NRBF2: variants seen among roughly 807,000 people sequenced by gnomAD.
NRBF2 encodes nuclear receptor-binding factor 2.
A neutral mutation model predicts 28.5 loss-of-function variants in NRBF2; 12 were observed. The observed-to-expected ratio is 0.42, with a 90% CI of 0.27 to 0.68. The LOEUF (loss-of-function observed/expected upper bound fraction) is 0.68. Among genes scored for constraint, NRBF2 ranks in the 30% least tolerant of loss-of-function variants. The pLI is 0.24. For synonymous variants in NRBF2, 102 were observed against 116.5 expected (o/e 0.88, Z 0.80); for missense variants, 274 against 333.5 (o/e 0.82, Z 1.39).
intron 1 of NRBF2, among the ~76,000 whole-genome samples, chr10:63,137,966 TATG>T (rs1188447350): frequency 6.6e-6 from 1 of 152,092 alleles, no homozygotes; most frequent in African/African-American, 2.4e-5. Context: ...AATAGCTAAA[TATG>T]AGATATTCCC....
chr10:63,137,443 A>G (rs1230967027), intron 1 of NRBF2, among the ~76,000 whole-genome samples: 1 of 152,220 alleles, frequency 6.6e-6, no homozygotes, highest in African/African-American at 2.4e-5. Context: ...AAGTGATGTC[A>G]GATCTTAATT....
intron 1 of NRBF2, among the ~76,000 whole-genome samples, chr10:63,144,238 C>T (rs1841524477): frequency 6.6e-6 from 1 of 152,102 alleles, no homozygotes; most frequent in Admixed American, 6.6e-5. Flanking sequence ...ATTTCCCCCT[C>T]CCCTGTTCAA....
intron 2 of NRBF2, among the ~76,000 whole-genome samples, chr10:63,151,144 T>C (rs1179380426): frequency 1.3e-5 from 2 of 152,198 alleles, no homozygotes; most frequent in African/African-American, 2.4e-5. Flanking sequence ...TCTTAAGTTA[T>C]GACATCAAAG....
intron 2 of NRBF2, among the ~76,000 whole-genome samples, chr10:63,149,067 G>T (rs138534244): frequency 1.3e-5 from 2 of 152,188 alleles, no homozygotes; most frequent in Non-Finnish European, 2.9e-5. Context: ...CTTTGTATGC[G>T]TTGGGACCAG....
chr10:63,138,179 G>A (rs1049383456), intron 1 of NRBF2, among the ~76,000 whole-genome samples: 1 of 152,072 alleles, frequency 6.6e-6, no homozygotes, highest in Non-Finnish European at 1.5e-5. Context: ...CAGGTGTGGT[G>A]GTGGGTGCCT....
Position 63,154,200 on chromosome 10 carries a change from A to G in NRBF2, c.846A>G (p.Lys282=), listed in dbSNP as rs1262621553. 6.3e-7 allele frequency: 1 copy of G among 1,582,882 alleles called. No homozygotes were observed. Among genetic ancestry groups the G allele is most frequent in the East Asian group, 2.2e-5 (1 of 44,634 alleles). Residue 282 remains lysine (K), a synonymous_variant, in exon 4 of 4, where the codon AAA becomes AAG. Coordinates refer to ENST00000277746, the MANE Select transcript of NRBF2 (RefSeq NM_030759.5). ...TGGAGCTCTCTGAGGATATTCTGAA[A>G]GGATTTATGAATAATTAAAATGGAA... The part of the protein sequence containing the change: ...PLMELSEDIL[K]GFMNN
chr10:63,137,618 A>AG (rs1269720656), intron 1 of NRBF2, among the ~76,000 whole-genome samples: 1 of 152,214 alleles, frequency 6.6e-6, no homozygotes, highest in Non-Finnish European at 1.5e-5. Context: ...ACATCACATG[A>AG]GGTAGTTAAT....
chr10:63,138,954 GTTAGA>G (rs982871212), intron 1 of NRBF2, among the ~76,000 whole-genome samples: 3 of 152,148 alleles, frequency 2.0e-5, no homozygotes, highest in African/African-American at 7.2e-5. Flanking sequence ...TCAGGTGTAT[GTTAGA>G]TTTTCCTCTG....
intron 1 of NRBF2, among the ~76,000 whole-genome samples, chr10:63,143,475 T>G (rs908307666): frequency 7.2e-5 from 11 of 152,258 alleles, no homozygotes; most frequent in Admixed American, 1.3e-4. Flanking sequence ...GTTTTTTTTT[T>G]GGGACCGAGT....
At position 63,153,844 on chromosome 10, in the gene NRBF2, G is replaced by A. The variant is rs1841687492; in HGVS notation, c.490G>A (p.Asp164Asn). The A allele has an allele frequency of 1.2e-5, 19 of 1,612,402 alleles. No homozygotes were observed. Among genetic ancestry groups the A allele is most frequent in the Non-Finnish European group, 1.5e-5 (18 of 1,179,782 alleles). Residue 164 changes from aspartate (D) to asparagine (N), a missense_variant, in exon 4 of 4, where the codon GAT (aspartate) becomes AAT (asparagine). Physicochemically the swap from Asp to Asn is conservative, Grantham distance 23 (BLOSUM62 1). Transcript: ENST00000277746. ...TATTGGAAGCAAAGCCCCAAAAGATGATAAAACAATTATAGAGGAGCAGGC... is the reference window on the plus strand; with the variant it reads ...TATTGGAAGCAAAGCCCCAAAAGATAATAAAACAATTATAGAGGAGCAGGC... ...PCIGSKAPKD[D>N]KTIIEEQATK...
intron 1 of NRBF2, among the ~76,000 whole-genome samples, chr10:63,134,068 A>G (rs1320012686): frequency 2.0e-5 from 3 of 148,096 alleles, no homozygotes; most frequent in African/African-American, 7.4e-5. Context: ...AACTGAGTCT[A>G]CCGTCTTCCA....
chr10:63,136,313 TC>T lies in NRBF2; in HGVS notation c.30+2814del, dbSNP rs1841378482. Among the ~76,000 whole-genome samples, 3 of 152,044 alleles carry T rather than the reference TC, an allele frequency of 2.0e-5. No homozygotes were observed. The South Asian group carries it at 6.2e-4, about 32-fold the overall frequency. ...TGCCCGGCTATGAAAATTCTGACAT[TC>T]TTTTATGTCAGTGAACACCTAACTT... On this transcript the variant is annotated intron_variant, in intron 1 of 3. Coordinates refer to ENST00000277746, the MANE Select transcript of NRBF2 (RefSeq NM_030759.5).
At chr10:63,142,780 C>CTTTCTTTTTTTTTTTTTTTTT (rs1554821458) in intron 1 of NRBF2, among the ~76,000 whole-genome samples, 1 of 74,900 alleles carries the variant, frequency 1.3e-5, no homozygotes, top group African/African-American at 5.8e-5. Context: ...TTCTTTCTTT[C>CTTTCTTTTTTTTTTTTTTTTT]TTTTTTTTTT....
chr10:63,140,912 G>A (rs1363368095), intron 1 of NRBF2, among the ~76,000 whole-genome samples: 1 of 151,994 alleles, frequency 6.6e-6, no homozygotes, highest in Non-Finnish European at 1.5e-5. Flanking sequence ...TGTTGGCCAG[G>A]CTGGTCTCAA....
At chr10:63,150,248 G>A (rs1057020476) in intron 2 of NRBF2, 11 of 357,366 alleles carry the variant, frequency 3.1e-5, no homozygotes, top group Non-Finnish European at 3.5e-5. Flanking sequence ...CACCACACCC[G>A]GCCGTCTTCA....
intron 1 of NRBF2, among the ~76,000 whole-genome samples, chr10:63,143,675 C>T (rs984224888): frequency 2.2e-4 from 33 of 151,972 alleles, no homozygotes; most frequent in Admixed American, 1.1e-3. Flanking sequence ...TGGTCTCAAA[C>T]TCCTGACCTC....
chr10:63,147,198 G>T (rs1282026826), intron 2 of NRBF2, among the ~76,000 whole-genome samples: 2 of 152,140 alleles, frequency 1.3e-5, no homozygotes, highest in African/African-American at 2.4e-5. Context: ...TCTTGACAGA[G>T]GCTGCCCCTC....
At chr10:63,133,905 C>CT (rs1268293339) in intron 1 of NRBF2, among the ~76,000 whole-genome samples, 8 of 152,036 alleles carry the variant, frequency 5.3e-5, no homozygotes, top group African/African-American at 1.9e-4. Context: ...GGGTCTGAGT[C>CT]TGAGTCGCCC....
intron 1 of NRBF2, among the ~76,000 whole-genome samples, chr10:63,134,556 A>G (rs1223143586): frequency 6.6e-6 from 1 of 152,138 alleles, no homozygotes. Context: ...TCGTCACTTG[A>G]TATCTGTGTT....
Sources: gnomAD v4.1 joint callset for allele counts (sites outside exome capture counted in the v4.1 genomes callset) on GRCh38, gnomAD v4.1.1 for gene constraint, MANE v1.5 for transcripts, NCBI Gene and HGNC (gene_info 2026-07-23, HGNC 2026-07-21) for gene names.